Variants in POLR3G observed in about 807,000 individuals in gnomAD.
The protein encoded by POLR3G is DNA-directed RNA polymerase III subunit RPC7.
In POLR3G, 28 loss-of-function variants were observed where a neutral mutation model predicts 30.1. The ratio of observed to expected loss-of-function variants is 0.93; its 90% confidence interval spans 0.69 to 1.27. The LOEUF is 1.27. Ranked by LOEUF, POLR3G falls within the 50% of genes most tolerant of loss-of-function variation. The pLI is 0.00. For synonymous variants in POLR3G, 79 were observed against 82.5 expected (o/e 0.96, Z 0.23); for missense variants, 254 against 264.6 (o/e 0.96, Z 0.28).
intron 2 of POLR3G, among the ~76,000 whole-genome samples, chr5:90,487,386 T>TC (rs1751497412): frequency 8.3e-6 from 1 of 121,176 alleles, no homozygotes; most frequent in African/African-American, 3.3e-5. Flanking sequence ...TAATTTTTTT[T>TC]TTTTTTTTTT....
chr5:90,485,433 A>G, intron 1 of POLR3G, 92 bp from the exon 2 acceptor site: 3 of 657,394 alleles, frequency 4.6e-6, no homozygotes, highest in Admixed American at 2.6e-5. Flanking sequence ...TTTTAAGTCA[A>G]CTGTGCTACT....
At chr5:90,496,082 C>G (rs1043382295) in intron 4 of POLR3G, among the ~76,000 whole-genome samples, 1 of 152,072 alleles carries the variant, frequency 6.6e-6, no homozygotes, top group Non-Finnish European at 1.5e-5. Flanking sequence ...TGCCATTCTC[C>G]TGCCTCAGCC....
intron 5 of POLR3G, 47 bp from the exon 6 acceptor site, chr5:90,501,859 A>G: frequency 6.2e-7 from 1 of 1,601,310 alleles, no homozygotes. Flanking sequence ...AATATAATAC[A>G]GAGTTGCAGT....
intron 1 of POLR3G, among the ~76,000 whole-genome samples, chr5:90,480,908 G>A (rs949045483): frequency 3.3e-5 from 5 of 152,112 alleles, no homozygotes; most frequent in African/African-American, 1.2e-4. Context: ...CTCAGCATAT[G>A]TTTTAGTGAC....
At chr5:90,505,057 C>T (rs1314375311) in intron 6 of POLR3G, among the ~76,000 whole-genome samples, 1 of 152,124 alleles carries the variant, frequency 6.6e-6, no homozygotes, top group Non-Finnish European at 1.5e-5. Flanking sequence ...AATGTAGTCT[C>T]TCTGTTGTCT....
intron 2 of POLR3G, among the ~76,000 whole-genome samples, 159 bp from the exon 3 acceptor site, chr5:90,487,841 A>T (rs983145517): frequency 1.3e-5 from 2 of 152,224 alleles, no homozygotes; most frequent in African/African-American, 4.8e-5. Context: ...TTAACAGGTT[A>T]AATAGACTAC....
rs753753723 is a variant in POLR3G, at chr5:90,513,192, CATATT to C, written c.*1058_*1062del. Reference sequence around the variant, plus strand: ...AATGCCAAAGATTTTCAAGGAAATTCATATTATATATTTCAAAAATGATTTATCAA... The same window carrying C: ...AATGCCAAAGATTTTCAAGGAAATTCATATATTTCAAAAATGATTTATCAA... On this transcript the variant is annotated 3_prime_UTR_variant, in exon 8 of 8. Transcript: ENST00000651687. The C allele has an allele frequency of 6.6e-6, 1 of 152,510 alleles. No individual in the cohort carries two copies. The highest frequency in any genetic ancestry group is 1.5e-5 in the Non-Finnish European group (1 of 67,964). 9.4% of individuals were successfully genotyped at this position (152,510 alleles called of 1,614,324 possible).
rs752076941 is a variant in POLR3G, at chr5:90,487,969, GA to G, written c.118-24del. The G allele has an allele frequency of 3.3e-5, 50 of 1,500,672 alleles. No homozygotes were observed. The East Asian group carries it at 5.3e-4, about 16-fold the overall frequency. 93.0% of individuals were successfully genotyped at this position (1,500,672 alleles called of 1,614,324 possible). On this transcript the variant is annotated intron_variant, in intron 2 of 7. Transcript: ENST00000651687. ...GGATATTAAAATACATAATTGATTT[GA>G]AAAAAATCTTTGTCTCTTAATTTAA...
At chr5:90,482,389 C>A (rs1171666843) in intron 1 of POLR3G, among the ~76,000 whole-genome samples, 1 of 152,216 alleles carries the variant, frequency 6.6e-6, no homozygotes, top group African/African-American at 2.4e-5. Flanking sequence ...GTGACTCCAT[C>A]TTGCTTCTAA....
rs1561262937 is a variant in POLR3G at position 90,514,386 on chromosome 5, C to CAAAAT, written c.*2251_*2252insTAAAA. On this transcript the variant is annotated 3_prime_UTR_variant, in exon 8 of 8. Transcript: ENST00000651687. ...TATTTATTTACACATTAAATTCTTA[C>CAAAAT]AAAACAAAATGTGTTCGTTTGTTTT... 2.0e-5 allele frequency: 3 copies of CAAAAT among 152,254 alleles called. No homozygotes were observed. In the East Asian group the frequency reaches 5.8e-4, roughly 29 times the overall value. 9.4% of individuals were successfully genotyped at this position (152,254 alleles called of 1,614,324 possible).
intron 7 of POLR3G, among the ~76,000 whole-genome samples, chr5:90,510,448 G>A (rs10514327): frequency 0.31 from 47,714 of 151,950 alleles, 7,977 homozygotes; most frequent in Non-Finnish European, 0.38. Flanking sequence ...AGAACTTGGA[G>A]GAGGTACTCA....
At chr5:90,492,303 C>T (rs568090506) in intron 3 of POLR3G, among the ~76,000 whole-genome samples, 71 of 152,296 alleles carry the variant, frequency 4.7e-4, no homozygotes, top group African/African-American at 1.6e-3. Flanking sequence ...AAGAACTCAT[C>T]ATGTAATACT....
rs1752571337 is a variant in POLR3G at position 90,508,017 on chromosome 5, A to G, written c.585+1343A>G. ...CACTAGACCAAAGCCAACTTTGATCATTTCCATTCTCTACCTATTTTCCCT... is the reference window on the plus strand; with the variant it reads ...CACTAGACCAAAGCCAACTTTGATCGTTTCCATTCTCTACCTATTTTCCCT... On this transcript the variant is annotated intron_variant, in intron 7 of 7. Transcript: ENST00000651687. 2.6e-5 allele frequency among the ~76,000 whole-genome samples: 4 copies of G among 152,174 alleles called. No individual in the cohort carries two copies. In the South Asian group the frequency reaches 8.3e-4, roughly 32 times the overall value.
Position 90,513,938 on chromosome 5 carries a change from G to A in POLR3G, c.*1799G>A, listed in dbSNP as rs1752847778. The A allele has an allele frequency of 6.6e-6, 1 of 152,138 alleles. No homozygotes were observed. The highest frequency in any genetic ancestry group is 2.4e-5 in the African/African-American group (1 of 41,428). 9.4% of individuals were successfully genotyped at this position (152,138 alleles called of 1,614,324 possible). ...AGTTTTCAGAAATCTTATCAATATT[G>A]TTCTATTTACCTACTTATAAATCTG... On this transcript the variant is annotated 3_prime_UTR_variant, in exon 8 of 8. Transcript: ENST00000651687.
chr5:90,496,800 T>A (rs1752018384), intron 4 of POLR3G, among the ~76,000 whole-genome samples: 1 of 152,234 alleles, frequency 6.6e-6, no homozygotes, highest in African/African-American at 2.4e-5. Flanking sequence ...TACTATCTTT[T>A]CAGTGTTGGT....
intron 7 of POLR3G, among the ~76,000 whole-genome samples, chr5:90,508,902 A>G (rs1752614464): frequency 6.6e-6 from 1 of 152,138 alleles, no homozygotes; most frequent in African/African-American, 2.4e-5. Context: ...TCTCTACTAG[A>G]AATAAAAAAT....
At chr5:90,475,851 A>T (rs1561244132) in intron 1 of POLR3G, among the ~76,000 whole-genome samples, 1 of 152,130 alleles carries the variant, frequency 6.6e-6, no homozygotes, top group Non-Finnish European at 1.5e-5. Flanking sequence ...AGCTGAGGTT[A>T]CAGGCGCCTG....
At chr5:90,506,950 A>C (rs552437452) in intron 7 of POLR3G, among the ~76,000 whole-genome samples, 3 of 152,230 alleles carry the variant, frequency 2.0e-5, no homozygotes, top group Non-Finnish European at 2.9e-5. Context: ...AAGGAGATTG[A>C]TCAGATTAGT....
Position 90,476,790 on chromosome 5 carries a change from C to G in POLR3G, c.-44+1770C>G, listed in dbSNP as rs544429006. On this transcript the variant is annotated intron_variant, in intron 1 of 7. Coordinates refer to ENST00000651687, the MANE Select transcript of POLR3G (RefSeq NM_006467.3). The stretch of plus-strand genomic sequence containing the variant: ...TTTAATTCTCTACATGGCTCTTTGC[C>G]TTACTTTTGTCAGGCTTATGCTCAG... Among the ~76,000 whole-genome samples the G allele has an allele frequency of 6.6e-5, 10 of 152,294 alleles. No individual in the cohort carries two copies. The South Asian group carries it at 2.1e-3, about 32-fold the overall frequency.
Sources: allele counts gnomAD v4.1 joint callset (sites outside exome capture counted in the v4.1 genomes callset), GRCh38; gene constraint gnomAD v4.1.1; transcripts MANE v1.5; gene names NCBI Gene and HGNC (gene_info 2026-07-23, HGNC 2026-07-21).